The following FAF1 variants were observed in gnomAD, a reference collection of about 807,000 sequenced individuals.
FAF1 encodes the protein Fas associated factor 1.
In FAF1, 25 loss-of-function variants were observed where a neutral mutation model predicts 92.5. The observed-to-expected ratio is 0.27, with a 90% CI of 0.20 to 0.38. The LOEUF is 0.38. FAF1 is among the 10% of genes least tolerant of loss of function. The probability of loss-of-function intolerance (pLI) is 1.00; values close to 1 mark genes in which losing one functional copy is unlikely to be tolerated. For synonymous variants in FAF1, 234 were observed against 273.2 expected (o/e 0.86, Z 1.42); for missense variants, 636 against 793.3 (o/e 0.80, Z 2.38).
intron 14 of FAF1, among the ~76,000 whole-genome samples, 182 bp from the exon 15 acceptor site, chr1:50,535,639 ATAG>A (rs1167908757): frequency 6.6e-6 from 1 of 152,192 alleles, no homozygotes; most frequent in Non-Finnish European, 1.5e-5. Flanking sequence ...TCAATAAGAA[ATAG>A]TAGTATACTG....
At chr1:50,454,246 G>C (rs1432116526) in intron 18 of FAF1, among the ~76,000 whole-genome samples, 1 of 152,174 alleles carries the variant, frequency 6.6e-6, no homozygotes, top group Non-Finnish European at 1.5e-5. Flanking sequence ...CAGACAATTA[G>C]AGCAGTTTGC....
chr1:50,920,168 G>A (rs920558514), intron 1 of FAF1, among the ~76,000 whole-genome samples: 1 of 152,014 alleles, frequency 6.6e-6, no homozygotes, highest in East Asian at 1.9e-4. Flanking sequence ...GGGTGTGGTG[G>A]CACTCGCCTG....
At chr1:50,489,837 C>A (rs1024163865) in intron 17 of FAF1, among the ~76,000 whole-genome samples, 3 of 152,084 alleles carry the variant, frequency 2.0e-5, no homozygotes, top group Non-Finnish European at 4.4e-5. Flanking sequence ...AGAAGAGATA[C>A]AATCTTTCTA....
chr1:50,863,885 G>A lies in FAF1; in HGVS notation c.46-5888C>T, dbSNP rs553358268. Among the ~76,000 whole-genome samples, 1,280 of 152,172 alleles carry A rather than the reference G, an allele frequency of 8.4e-3. 18 individuals are homozygous for A. Among genetic ancestry groups the A allele is most frequent in the African/African-American group, 0.028 (1,183 of 41,540 alleles). ...GATTATTGCCACAATTTCAGAGCCTGTTATTGGTCTATTCAGAGAGTCAAC... is the reference window on the plus strand; with the variant it reads ...GATTATTGCCACAATTTCAGAGCCTATTATTGGTCTATTCAGAGAGTCAAC... On this transcript the variant is annotated intron_variant, in intron 1 of 18. Transcript: ENST00000396153.
chr1:50,490,445 AAGGAAGGAAG>A, intron 17 of FAF1, 133 bp downstream of exon 17: 1 of 513,662 alleles, frequency 1.9e-6, no homozygotes, highest in Non-Finnish European at 3.6e-6. Context: ...GGAAGGAAGG[AAGGAAGGAAG>A]GAAGGAAAAA....
At chr1:50,922,246 G>T (rs532890854) in intron 1 of FAF1, among the ~76,000 whole-genome samples, 2 of 151,738 alleles carry the variant, frequency 1.3e-5, no homozygotes, top group East Asian at 1.9e-4. Context: ...ATCACCTGAG[G>T]TCAAGGAGTT....
chr1:50,891,518 A>C (rs1233937765), intron 1 of FAF1, among the ~76,000 whole-genome samples: 1 of 152,168 alleles, frequency 6.6e-6, no homozygotes, highest in Non-Finnish European at 1.5e-5. Flanking sequence ...CTTTGATGAT[A>C]GTGACATACA....
intron 5 of FAF1, among the ~76,000 whole-genome samples, 168 bp from the exon 6 acceptor site, chr1:50,739,122 C>A (rs1659259560): frequency 1.3e-5 from 2 of 151,586 alleles, no homozygotes; most frequent in South Asian, 4.1e-4. Flanking sequence ...AACCTTATTG[C>A]CCATATATAT....
chr1:50,897,625 C>T (rs537971187), intron 1 of FAF1, among the ~76,000 whole-genome samples: 14 of 152,148 alleles, frequency 9.2e-5, no homozygotes, highest in Middle Eastern at 3.4e-3. Flanking sequence ...ACTATAAAGT[C>T]GACCTAAAAA....
intron 9 of FAF1, among the ~76,000 whole-genome samples, chr1:50,592,684 A>G (rs556976265): frequency 6.6e-5 from 10 of 152,324 alleles, no homozygotes; most frequent in African/African-American, 2.4e-4. Flanking sequence ...ACGGTGACTC[A>G]CACCTGTAAC....
At chr1:50,808,172 G>A (rs1315875198) in intron 2 of FAF1, among the ~76,000 whole-genome samples, 1 of 152,040 alleles carries the variant, frequency 6.6e-6, no homozygotes, top group Non-Finnish European at 1.5e-5. Flanking sequence ...AGCTTCATAA[G>A]AAAAGGATAA....
chr1:50,617,019 T>A lies in FAF1; in HGVS notation c.745-20803A>T, dbSNP rs549018027. On this transcript the variant is annotated intron_variant, in intron 8 of 18. Coordinates refer to ENST00000396153, the MANE Select transcript of FAF1 (RefSeq NM_007051.3). ...TATATCCAGAAACCTTGCTAAATTG[T>A]CTATCAGTTCTAGGAGCTTCTGGCA... Among the ~76,000 whole-genome samples the A allele has an allele frequency of 6.6e-5, 10 of 152,324 alleles. No homozygotes were observed. In the East Asian group the frequency reaches 1.9e-3, roughly 29 times the overall value.
chr1:50,516,028 T>A (rs1487721419), intron 15 of FAF1, among the ~76,000 whole-genome samples: 1 of 152,174 alleles, frequency 6.6e-6, no homozygotes, highest in Non-Finnish European at 1.5e-5. Context: ...GCACTTTACA[T>A]GTATCAACTG....
intron 15 of FAF1, among the ~76,000 whole-genome samples, chr1:50,507,757 A>C (rs1056462033): frequency 1.3e-5 from 2 of 152,328 alleles, no homozygotes; most frequent in East Asian, 3.9e-4. Flanking sequence ...TTTCTTCTTT[A>C]GTGATTTGAG....
intron 18 of FAF1, among the ~76,000 whole-genome samples, chr1:50,461,724 A>G (rs934019432): frequency 4.6e-5 from 7 of 152,110 alleles, no homozygotes; most frequent in African/African-American, 1.7e-4. Context: ...ACAGAAGACA[A>G]ATGTTAAACT....
chr1:50,490,751 A>G, intron 16 of FAF1, 86 bp from the exon 17 acceptor site: 1 of 891,262 alleles, frequency 1.1e-6, no homozygotes, highest in Admixed American at 1.8e-5. Context: ...AAAAAAGAAA[A>G]GAGGAAAGAA....
chr1:50,796,227 A>ACC lies in FAF1; in HGVS notation c.161+5402_161+5403dup, dbSNP rs1377657777. ...CAAACACACAAACACACACACACAC[A>ACC]CCCCTATCTTCTTGCAGTTTGCACA... is the stretch of plus-strand genomic sequence containing the variant. On this transcript the variant is annotated intron_variant, in intron 3 of 18. Transcript: ENST00000396153. 1.4e-4 allele frequency among the ~76,000 whole-genome samples: 21 copies of ACC among 151,602 alleles called. 1 individual carries two copies. The highest frequency in any genetic ancestry group is 5.1e-4 in the African/African-American group (21 of 41,292).
intron 1 of FAF1, among the ~76,000 whole-genome samples, chr1:50,928,848 G>A (rs933306200): frequency 6.7e-6 from 1 of 148,474 alleles, no homozygotes; most frequent in Non-Finnish European, 1.5e-5. Flanking sequence ...TGTAATCCCA[G>A]CACTTTGGGA....
rs548975859 is a variant in FAF1, at chr1:50,457,577, A to G, written c.1870-16054T>C. 3.3e-5 allele frequency among the ~76,000 whole-genome samples: 5 copies of G among 152,176 alleles called. No homozygotes were observed. The East Asian group carries it at 9.7e-4, about 29-fold the overall frequency. ...GATAAAATCAGATTAGATTGTATGT[A>G]CAGCCTTCAAAAGCTTATTTGATTT... On this transcript the variant is annotated intron_variant, in intron 18 of 18. Coordinates refer to ENST00000396153, the MANE Select transcript of FAF1 (RefSeq NM_007051.3).
Sources: allele counts gnomAD v4.1 joint callset (sites outside exome capture counted in the v4.1 genomes callset), GRCh38; gene constraint gnomAD v4.1.1; transcripts MANE v1.5; gene names NCBI Gene and HGNC (gene_info 2026-07-23, HGNC 2026-07-21).